TCF7L1: variants seen among roughly 807,000 people sequenced by gnomAD.
TCF7L1 encodes transcription factor 7 like 1.
TCF7L1 carries 18 observed loss-of-function variants against 63.7 expected under a neutral mutation model. That is an observed-to-expected ratio of 0.28 (90% CI 0.20 to 0.42). TCF7L1 has a LOEUF of 0.42. TCF7L1 is among the 10% of genes least tolerant of loss of function. The pLI is 1.00. For synonymous variants in TCF7L1, 355 were observed against 340.9 expected (o/e 1.04, Z -0.46); for missense variants, 654 against 779.3 (o/e 0.84, Z 1.91).
At chr2:85,179,156 A>C (rs1046882911) in intron 3 of TCF7L1, among the ~76,000 whole-genome samples, 1 of 152,174 alleles carries the variant, frequency 6.6e-6, no homozygotes, top group South Asian at 2.1e-4. Flanking sequence ...CTTTATTGCC[A>C]TGTTAAAATC....
intron 3 of TCF7L1, among the ~76,000 whole-genome samples, chr2:85,233,480 T>C (rs1680127317): frequency 6.6e-6 from 1 of 151,972 alleles, no homozygotes; most frequent in Non-Finnish European, 1.5e-5. Flanking sequence ...CACGCCTGGC[T>C]AATTTTTGTA....
At chr2:85,269,618 G>A (rs1681095990) in intron 3 of TCF7L1, among the ~76,000 whole-genome samples, 1 of 152,160 alleles carries the variant, frequency 6.6e-6, no homozygotes, top group African/African-American at 2.4e-5. Flanking sequence ...AAAAATACTG[G>A]CTTAAATACT....
Position 85,309,029 on chromosome 2 carries a change from G to A in TCF7L1, c.1334G>A (p.Gly445Asp). The A allele has an allele frequency of 6.3e-7, 1 of 1,584,966 alleles. No individual in the cohort carries two copies. Among genetic ancestry groups the A allele is most frequent in the Non-Finnish European group, 8.6e-7 (1 of 1,164,256 alleles). Residue 445 changes from glycine to aspartate, a missense_variant and splice_region_variant, in exon 12 of 12, where the codon GGT becomes GAT. Gly to Asp is a moderately conservative substitution (Grantham distance 94). Coordinates refer to ENST00000282111, the MANE Select transcript of TCF7L1 (RefSeq NM_031283.3). Reference protein sequence around the residue: ...QSQQQVQEAEGALASKSKKPC... With the variant: ...QSQQQVQEAEDALASKSKKPC... ...ACTCTTTCTTGTATTTTCCCCCTAGGTGCCCTGGCCTCCAAGAGCAAGAAG... is the reference window on the plus strand; with the variant it reads ...ACTCTTTCTTGTATTTTCCCCCTAGATGCCCTGGCCTCCAAGAGCAAGAAG...
At chr2:85,225,658 TA>T (rs1482949057) in intron 3 of TCF7L1, among the ~76,000 whole-genome samples, 1 of 151,038 alleles carries the variant, frequency 6.6e-6, no homozygotes, top group Non-Finnish European at 1.5e-5. Context: ...AGTTGCTTAT[TA>T]GCTTAAGGAG....
At chr2:85,296,346 A>G (rs568519912) in intron 4 of TCF7L1, among the ~76,000 whole-genome samples, 1 of 152,202 alleles carries the variant, frequency 6.6e-6, no homozygotes, top group Admixed American at 6.5e-5. Flanking sequence ...GGTTTGTCTG[A>G]TGTTTCGTCA....
In TCF7L1 at chr2:85,307,733, C is replaced by T; in HGVS notation, c.1333+16C>T. 1 of 1,610,766 alleles carries T rather than the reference C, an allele frequency of 6.2e-7. No individual in the cohort carries two copies. Among genetic ancestry groups the T allele is most frequent in the Non-Finnish European group, 8.5e-7 (1 of 1,177,870 alleles). ...GAGGCAGAGGGTGCGTCTCGGGGCACTGGCCTCTTCTCCTGCTTTTCCTTT... is the reference window on the plus strand; with the variant it reads ...GAGGCAGAGGGTGCGTCTCGGGGCATTGGCCTCTTCTCCTGCTTTTCCTTT... On this transcript the variant is annotated intron_variant, in intron 11 of 11. Coordinates refer to ENST00000282111, the MANE Select transcript of TCF7L1 (RefSeq NM_031283.3).
At position 85,134,506 on chromosome 2, in the gene TCF7L1, G is replaced by A. The variant is rs1365104813; in HGVS notation, c.441+56G>A. On this transcript the variant is annotated intron_variant, in intron 3 of 11. Coordinates refer to ENST00000282111, the MANE Select transcript of TCF7L1 (RefSeq NM_031283.3). The surrounding 1 kb of genome is among the most constrained non-coding windows in gnomAD (Gnocchi z 5.0). The stretch of plus-strand genomic sequence containing the variant: ...TGGGAGGCCGCGGCCCGCAGGATGC[G>A]CCCCCGGGCTTGGCCATGGAGTGGG... 6.5e-7 allele frequency: 1 copy of A among 1,536,822 alleles called. No individual in the cohort carries two copies. The highest frequency in any genetic ancestry group is 1.4e-5 in the African/African-American group (1 of 72,590).
At chr2:85,199,926 C>T (rs1299715342) in intron 3 of TCF7L1, among the ~76,000 whole-genome samples, 1 of 152,212 alleles carries the variant, frequency 6.6e-6, no homozygotes, top group East Asian at 1.9e-4. Flanking sequence ...CCTTTATCTC[C>T]TGACAACCAC....
chr2:85,276,437 C>T (rs1416651097), intron 3 of TCF7L1, among the ~76,000 whole-genome samples: 1 of 151,692 alleles, frequency 6.6e-6, no homozygotes, highest in African/African-American at 2.4e-5. Context: ...GTGACAATGA[C>T]ATTATTCAAA....
rs563602675 is a variant in TCF7L1, at chr2:85,183,584, G to A, written c.441+49134G>A. Among the ~76,000 whole-genome samples the A allele has an allele frequency of 7.9e-5, 12 of 152,220 alleles. 1 individual carries two copies. The South Asian group carries it at 2.1e-3, about 26-fold the overall frequency. On this transcript the variant is annotated intron_variant, in intron 3 of 11. Transcript: ENST00000282111. ...TAGGTGTTTTATATTCAGAATCTTA[G>A]CCATGGTGAATAAGCATGTCATATA...
chr2:85,208,595 G>C (rs1679469367), intron 3 of TCF7L1, among the ~76,000 whole-genome samples: 1 of 152,142 alleles, frequency 6.6e-6, no homozygotes, highest in South Asian at 2.1e-4. Context: ...TTTTCAGAGT[G>C]AATTCTATCT....
chr2:85,250,736 G>A (rs1289845247), intron 3 of TCF7L1, among the ~76,000 whole-genome samples: 4 of 152,016 alleles, frequency 2.6e-5, no homozygotes, highest in African/African-American at 4.8e-5. Flanking sequence ...ATGCCCAGCC[G>A]AAAAATGAGA....
At chr2:85,255,231 C>T (rs1478880397) in intron 3 of TCF7L1, among the ~76,000 whole-genome samples, 1 of 152,122 alleles carries the variant, frequency 6.6e-6, no homozygotes, top group African/African-American at 2.4e-5. Context: ...ACTTCCAGGG[C>T]CTCTGGTTCA....
intron 3 of TCF7L1, among the ~76,000 whole-genome samples, chr2:85,207,283 G>A (rs1679429095): frequency 6.6e-6 from 1 of 152,086 alleles, no homozygotes; most frequent in Non-Finnish European, 1.5e-5. Context: ...GGCAGGTGTG[G>A]CCTGACCCTT....
At chr2:85,154,183 G>A (rs1019744370) in intron 3 of TCF7L1, among the ~76,000 whole-genome samples, 1 of 152,182 alleles carries the variant, frequency 6.6e-6, no homozygotes, top group East Asian at 1.9e-4. Flanking sequence ...CAGTTGTAGA[G>A]GCCATATCGT....
chr2:85,254,701 C>A (rs959914499), intron 3 of TCF7L1, among the ~76,000 whole-genome samples: 5 of 152,200 alleles, frequency 3.3e-5, no homozygotes, highest in Admixed American at 3.3e-4. Flanking sequence ...GCTCTATTCT[C>A]ACTCCTACCC....
At chr2:85,176,944 A>C (rs1025940507) in intron 3 of TCF7L1, among the ~76,000 whole-genome samples, 12 of 143,482 alleles carry the variant, frequency 8.4e-5, no homozygotes, top group Admixed American at 5.3e-4. Flanking sequence ...CCGAGATCGC[A>C]CCACTGCACT....
chr2:85,274,290 C>T (rs114448714), intron 3 of TCF7L1, among the ~76,000 whole-genome samples: 198 of 152,322 alleles, frequency 1.3e-3, no homozygotes, highest in African/African-American at 4.5e-3. Context: ...GAAATGCGGA[C>T]TCGAAAGCAA....
intron 3 of TCF7L1, among the ~76,000 whole-genome samples, chr2:85,167,927 AC>A (rs1678458432): frequency 6.6e-6 from 1 of 152,216 alleles, no homozygotes. Context: ...GACCTGGAGG[AC>A]ATCATGCTAA....
Sources: allele counts gnomAD v4.1 joint callset (sites outside exome capture counted in the v4.1 genomes callset), GRCh38; gene constraint gnomAD v4.1.1; non-coding constraint Gnocchi (gnomAD v3.1); transcripts MANE v1.5; gene names NCBI Gene and HGNC (gene_info 2026-07-23, HGNC 2026-07-21).